IMMP2L: variants seen among roughly 807,000 people sequenced by gnomAD.
IMMP2L encodes mitochondrial inner membrane protease subunit 2.
A neutral mutation model predicts 19.3 loss-of-function variants in IMMP2L; 18 were observed. The ratio of observed to expected loss-of-function variants is 0.93; its 90% CI spans 0.64 to 1.38. The LOEUF is 1.38. Among genes scored for constraint, IMMP2L ranks in the 40% most tolerant of loss-of-function variants. The pLI is 0.00. For synonymous variants in IMMP2L, 76 were observed against 73.0 expected, an observed-to-expected ratio of 1.04 and a Z score of -0.21; for missense variants, 233 against 218.2, an observed-to-expected ratio of 1.07 and a Z score of -0.43.
intron 2 of IMMP2L, among the ~76,000 whole-genome samples, chr7:111,504,907 C>G (rs1172501892): frequency 6.6e-6 from 1 of 151,746 alleles, no homozygotes; most frequent in African/African-American, 2.4e-5. Flanking sequence ...AGGACATAGG[C>G]ATGGGCAAGG....
At chr7:111,073,061 GT>G (rs1231539183) in intron 3 of IMMP2L, among the ~76,000 whole-genome samples, 11 of 152,096 alleles carry the variant, frequency 7.2e-5, no homozygotes, top group Non-Finnish European at 4.4e-5. Flanking sequence ...TAATAGCACT[GT>G]ACTGATGTTA....
chr7:111,331,954 C>CAT (rs1271506207), intron 3 of IMMP2L, among the ~76,000 whole-genome samples: 3 of 151,638 alleles, frequency 2.0e-5, no homozygotes, highest in Non-Finnish European at 2.9e-5. Context: ...TAATAGTATA[C>CAT]ATATATATAT....
At chr7:111,097,824 C>T (rs185695690) in intron 3 of IMMP2L, among the ~76,000 whole-genome samples, 205 of 151,886 alleles carry the variant, frequency 1.3e-3, no homozygotes, top group Middle Eastern at 3.4e-3. Flanking sequence ...CCACAATGAC[C>T]TTTACTGAAA....
chr7:110,905,299 C>T (rs1812332887), intron 4 of IMMP2L, among the ~76,000 whole-genome samples: 9 of 152,018 alleles, frequency 5.9e-5, no homozygotes, highest in Admixed American at 5.9e-4. Flanking sequence ...TCTGTGATTG[C>T]CTTAGAGATT....
chr7:111,351,758 T>C (rs1563091318), intron 3 of IMMP2L, among the ~76,000 whole-genome samples: 1 of 152,204 alleles, frequency 6.6e-6, no homozygotes, highest in Non-Finnish European at 1.5e-5. Flanking sequence ...TCAAGCAATG[T>C]ATTTGAAATA....
At position 110,877,377 on chromosome 7, in the gene IMMP2L, G is replaced by A. The variant is rs778352383; in HGVS notation, c.408+9216C>T. ...ATCACTGTGCAATTATACTGCAAAT[G>A]CTGTGTGGGGTAACTGGCTTAGTCA... On this transcript the variant is annotated intron_variant, in intron 5 of 5. Coordinates refer to ENST00000405709, the MANE Select transcript of IMMP2L (RefSeq NM_032549.4). The surrounding 1 kb of genome is among the most constrained non-coding windows in gnomAD (Gnocchi z 4.0). Among the ~76,000 whole-genome samples, 2 of 152,148 alleles carry A rather than the reference G, an allele frequency of 1.3e-5. No individual in the cohort carries two copies. Among genetic ancestry groups the A allele is most frequent in the African/African-American group, 2.4e-5 (1 of 41,448 alleles).
intron 4 of IMMP2L, among the ~76,000 whole-genome samples, chr7:110,905,812 C>A (rs889603302): frequency 3.9e-5 from 6 of 152,098 alleles, no homozygotes; most frequent in African/African-American, 1.4e-4. Flanking sequence ...TTGGCAAAGG[C>A]ATGGAATTTA....
intron 2 of IMMP2L, among the ~76,000 whole-genome samples, chr7:111,514,074 T>A (rs1378651948): frequency 6.6e-6 from 1 of 152,084 alleles, no homozygotes; most frequent in Admixed American, 6.6e-5. Context: ...ATACAAAGTT[T>A]CAGTTATGTA....
chr7:111,085,841 A>G (rs560890114), intron 3 of IMMP2L, among the ~76,000 whole-genome samples: 2 of 152,336 alleles, frequency 1.3e-5, no homozygotes, highest in African/African-American at 4.8e-5. Context: ...TTGCAGGGAC[A>G]TGGATGCAGC....
At chr7:110,829,367 T>A (rs1007114429) in intron 5 of IMMP2L, among the ~76,000 whole-genome samples, 10 of 152,186 alleles carry the variant, frequency 6.6e-5, no homozygotes, top group African/African-American at 2.2e-4. Flanking sequence ...GCACTTTACA[T>A]TTGGAAATAG....
chr7:111,126,393 A>C (rs1445349380), intron 3 of IMMP2L, among the ~76,000 whole-genome samples: 1 of 152,084 alleles, frequency 6.6e-6, no homozygotes, highest in Non-Finnish European at 1.5e-5. Flanking sequence ...TATTTAGCTC[A>C]CTCCAATATA....
chr7:110,748,309 A>G (rs1189223236), intron 5 of IMMP2L, among the ~76,000 whole-genome samples: 1 of 152,230 alleles, frequency 6.6e-6, no homozygotes, highest in Non-Finnish European at 1.5e-5. Flanking sequence ...TATCATCAAA[A>G]TGGCCATACT....
At chr7:111,333,832 T>C (rs1826121383) in intron 3 of IMMP2L, among the ~76,000 whole-genome samples, 1 of 152,116 alleles carries the variant, frequency 6.6e-6, no homozygotes, top group Non-Finnish European at 1.5e-5. Context: ...ACTGGCTTCC[T>C]TGCTCCGCAG....
chr7:110,810,133 C>T (rs1192900511), intron 5 of IMMP2L, among the ~76,000 whole-genome samples: 1 of 152,006 alleles, frequency 6.6e-6, no homozygotes, highest in Non-Finnish European at 1.5e-5. Context: ...TTTGCTTATC[C>T]CTTGTTTAGT....
chr7:111,085,796 T>C (rs545147061), intron 3 of IMMP2L, among the ~76,000 whole-genome samples: 1 of 152,170 alleles, frequency 6.6e-6, no homozygotes, highest in African/African-American at 2.4e-5. Context: ...CAAGGAATAC[T>C]ATGCAGCCAT....
chr7:111,295,618 TAAG>T (rs1282166887), intron 3 of IMMP2L, among the ~76,000 whole-genome samples: 1 of 151,872 alleles, frequency 6.6e-6, no homozygotes, highest in African/African-American at 2.4e-5. Flanking sequence ...CGGTTATTCA[TAAG>T]AAGTCCAAAT....
intron 5 of IMMP2L, among the ~76,000 whole-genome samples, chr7:110,835,381 T>A (rs1358067376): frequency 6.6e-6 from 1 of 152,102 alleles, no homozygotes; most frequent in Non-Finnish European, 1.5e-5. Context: ...CAGTGCTTTT[T>A]ATAGACTCTG....
intron 1 of IMMP2L, among the ~76,000 whole-genome samples, chr7:111,539,163 G>T (rs1585587389): frequency 1.8e-5 from 1 of 55,960 alleles, no homozygotes. Context: ...AAGGAAGGAA[G>T]GAAGGAAGGA....
At chr7:111,077,892 T>C (rs191531023) in intron 3 of IMMP2L, among the ~76,000 whole-genome samples, 2 of 152,324 alleles carry the variant, frequency 1.3e-5, no homozygotes, top group Non-Finnish European at 1.5e-5. Context: ...TTGTGCACAC[T>C]GTTCTTCTGC....
Sources: allele counts gnomAD v4.1 joint callset (sites outside exome capture counted in the v4.1 genomes callset), GRCh38; gene constraint gnomAD v4.1.1; non-coding constraint Gnocchi (gnomAD v3.1); transcripts MANE v1.5; gene names NCBI Gene and HGNC (gene_info 2026-07-23, HGNC 2026-07-21).